The following NPFF variants were observed in gnomAD, a reference collection of about 807,000 sequenced individuals.
NPFF encodes the protein pro-FMRFamide-related neuropeptide FF.
In NPFF, 14 loss-of-function variants were observed where a neutral mutation model predicts 12.9. That is an observed-to-expected ratio of 1.09 (90% CI 0.72 to 1.70). The LOEUF (loss-of-function observed/expected upper bound fraction) is 1.70, where lower values mean the gene tolerates loss of function less well. Among genes scored for constraint, NPFF ranks in the 40% most tolerant of loss-of-function variants. The pLI is 0.00. For synonymous variants in NPFF, 56 were observed against 57.3 expected (o/e 0.98, Z 0.10); for missense variants, 140 against 135.7 (o/e 1.03, Z -0.16).
At position 53,506,734 on chromosome 12, in the gene NPFF, T is replaced by C. The variant is rs1263982216; in HGVS notation, c.*42A>G. The C allele has an allele frequency of 1.4e-6, 2 of 1,394,656 alleles. No homozygotes were observed. The highest frequency in any genetic ancestry group is 2.9e-5 in the African/African-American group (2 of 69,208). The allele number at this position is 1,394,656 out of a possible 1,614,324, so 86.4% of individuals were successfully genotyped here. On this transcript the variant is annotated 3_prime_UTR_variant, in exon 3 of 3. Transcript: ENST00000267017. ...TTTGGGGGGCAAACATTGACACTTT[T>C]GGGTGTGGACCTTGCATGCAGACAT...
Position 53,507,483 on chromosome 12 carries a change from C to T in NPFF, c.-9G>A, listed in dbSNP as rs1944039210. On this transcript the variant is annotated 5_prime_UTR_variant, in exon 1 of 3. Transcript: ENST00000267017. ...GCCTGCCTAGAATCCATGCTGCCAC[C>T]TACCCTCCTACAGCCACCCCAACCT... The T allele has an allele frequency of 1.2e-6, 2 of 1,611,374 alleles. No individual in the cohort carries two copies. Among genetic ancestry groups the T allele is most frequent in the East Asian group, 4.5e-5 (2 of 44,862 alleles).
At position 53,507,047 on chromosome 12, in the gene NPFF, G is replaced by A. The variant is rs752075212; in HGVS notation, c.198C>T (p.Ser66=). The A allele has an allele frequency of 1.9e-6, 3 of 1,613,948 alleles. No individual in the cohort carries two copies. In the South Asian group the frequency reaches 3.3e-5, roughly 18 times the overall value. The change falls in exon 2 of 3, where the codon AGC becomes AGT. Residue 66 remains serine, a synonymous_variant. Coordinates refer to ENST00000267017, the MANE Select transcript of NPFF (RefSeq NM_003717.4). ...LLQAMERPGR[S]QAFLFQPQRF... ...TCTGGGGCTGAAACAGGAAGGCTTG[G>A]CTCCGGCCAGGTCTCTCCATTGCCT...
In NPFF at chr12:53,506,835, C is replaced by T. The variant is rs1287417997; in HGVS notation, c.283G>A (p.Glu95Lys). ...CTCCAGAACTGGGAATTCAGCCCCTCTCCAGCCCGGGGACTCAGCCATTCA... is the reference window on the plus strand; with the variant it reads ...CTCCAGAACTGGGAATTCAGCCCCTTTCCAGCCCGGGGACTCAGCCATTCA... Reference protein sequence around the residue: ...RNEWLSPRAGEGLNSQFWSLA... With the variant: ...RNEWLSPRAGKGLNSQFWSLA... The change falls in exon 3 of 3, where the codon GAG becomes AAG. Residue 95 changes from glutamate (E) to lysine (K), a missense_variant. By Grantham distance (56) the Glu-to-Lys change is moderately conservative. Transcript: ENST00000267017. 1 of 1,603,268 alleles carries T rather than the reference C, an allele frequency of 6.2e-7. No homozygotes were observed.
chr12:53,507,149 C>A lies in NPFF; in HGVS notation c.103-7G>T. 1 of 1,613,254 alleles carries A rather than the reference C, an allele frequency of 6.2e-7. No individual in the cohort carries two copies. Among genetic ancestry groups the A allele is most frequent in the South Asian group, 1.1e-5 (1 of 91,004 alleles). Reference sequence around the variant, plus strand: ...GGGGTTCGCTGTCTTCCTCCTGTGCCAAGGGGGTATCAGGGAAGGAAGATG... The same window carrying A: ...GGGGTTCGCTGTCTTCCTCCTGTGCAAAGGGGGTATCAGGGAAGGAAGATG... On this transcript the variant is annotated splice_region_variant and splice_polypyrimidine_tract_variant and intron_variant, in intron 1 of 2. Transcript: ENST00000267017.
rs201195327 is a variant in NPFF at position 53,506,882 on chromosome 12, T to C, written c.236A>G (p.Asn79Ser). 438 of 1,594,620 alleles carry C rather than the reference T, an allele frequency of 2.7e-4. 1 individual carries two copies. The highest frequency in any genetic ancestry group is 4.2e-5 in the Non-Finnish European group (49 of 1,170,112). The change falls in exon 3 of 3, where the codon AAT becomes AGT. Residue 79 changes from asparagine to serine, a missense_variant. By Grantham distance (46) the Asn-to-Ser change is conservative (BLOSUM62 1). Coordinates refer to ENST00000267017, the MANE Select transcript of NPFF (RefSeq NM_003717.4). ...TTCATTCCTCCAGGATCCCTGGGTATTTCTGCCAAACCTTAGGAAAGATTT... is the reference window on the plus strand; with the variant it reads ...TTCATTCCTCCAGGATCCCTGGGTACTTCTGCCAAACCTTAGGAAAGATTT... ...FLFQPQRFGR[N>S]TQGSWRNEWL...
At position 53,507,426 on chromosome 12, in the gene NPFF, C is replaced by CTATT. The variant is rs756176519; in HGVS notation, c.45_48dup (p.Asp17AsnfsTer7). ...CCTGGCCCTTCAGCACAGCCCCCGTCTATTAACAGCAGCAGCACCAGCAGT... is the reference window on the plus strand; with the variant it reads ...CCTGGCCCTTCAGCACAGCCCCCGTCTATTTATTAACAGCAGCAGCACCAGCAGT... On this transcript the variant is annotated frameshift_variant, in exon 1 of 3. Coordinates refer to ENST00000267017, the MANE Select transcript of NPFF (RefSeq NM_003717.4). LOFTEE classifies it high-confidence loss of function. 1.2e-5 allele frequency: 19 copies of CTATT among 1,613,962 alleles called. No individual in the cohort carries two copies. In the African/African-American group the frequency reaches 2.5e-4, roughly 22 times the overall value.
chr12:53,506,702 A>AATT lies in NPFF; in HGVS notation c.*71_*73dup. The AATT allele has an allele frequency of 8.2e-7, 1 of 1,220,318 alleles. No homozygotes were observed. The highest frequency in any genetic ancestry group is 1.1e-6 in the Non-Finnish European group (1 of 869,700). 75.6% of individuals were successfully genotyped at this position (1,220,318 alleles called of 1,614,324 possible). A position where few individuals can be genotyped will look rare whatever the true frequency, so the allele number is the denominator to read the frequency against. On this transcript the variant is annotated 3_prime_UTR_variant, in exon 3 of 3. Coordinates refer to ENST00000267017, the MANE Select transcript of NPFF (RefSeq NM_003717.4). The stretch of plus-strand genomic sequence containing the variant: ...ACACACATGGATTCAGAAGCCAGAC[A>AATT]ATTTTATTTGGGGGGCAAACATTGA...
At position 53,507,104 on chromosome 12, in the gene NPFF, C is replaced by T; in HGVS notation, c.141G>A (p.Gln47=). ...GGTAGTGCAACAGTGACCCAGAGGT[C>T]TGGGCATCCTGTGGTGGGAGGGGTT... ...DSEPLPPQDA[Q]TSGSLLHYLL... The change falls in exon 2 of 3, where the codon CAG becomes CAA. Residue 47 remains glutamine, a synonymous_variant. Coordinates refer to ENST00000267017, the MANE Select transcript of NPFF (RefSeq NM_003717.4). The T allele has an allele frequency of 1.2e-6, 2 of 1,614,104 alleles. No homozygotes were observed.
rs1426523000 is a variant in NPFF, at chr12:53,506,830, C to T, written c.288G>A (p.Gly96=). The change falls in exon 3 of 3, where the codon GGG becomes GGA. Residue 96 remains glycine, a synonymous_variant. Transcript: ENST00000267017. The part of the protein sequence containing the change: ...NEWLSPRAGE[G]LNSQFWSLAA... The stretch of plus-strand genomic sequence containing the variant: ...CCAGGCTCCAGAACTGGGAATTCAG[C>T]CCCTCTCCAGCCCGGGGACTCAGCC... The T allele has an allele frequency of 3.7e-6, 6 of 1,601,584 alleles. No homozygotes were observed. Among genetic ancestry groups the T allele is most frequent in the Admixed American group, 1.7e-5 (1 of 58,014 alleles).
In NPFF at chr12:53,506,772, C is replaced by CATGTCATCCCTTGAT; in HGVS notation, c.*3_*4insATCAAGGGATGACAT. 6.5e-7 allele frequency: 1 copy of CATGTCATCCCTTGAT among 1,531,208 alleles called. No homozygotes were observed. Among genetic ancestry groups the CATGTCATCCCTTGAT allele is most frequent in the Non-Finnish European group, 8.8e-7 (1 of 1,136,418 alleles). 94.9% of individuals were successfully genotyped at this position (1,531,208 alleles called of 1,614,324 possible). ...TGCATGCAGACATATCAAGGGATGA[C>CATGTCATCCCTTGAT]ATGTCACTTCTTCCCAAAGCGTTGA... On this transcript the variant is annotated 3_prime_UTR_variant, in exon 3 of 3. Coordinates refer to ENST00000267017, the MANE Select transcript of NPFF (RefSeq NM_003717.4).
chr12:53,506,966 C>T (rs1592747710), intron 2 of NPFF, 55 bp downstream of exon 2: 9 of 1,597,054 alleles, frequency 5.6e-6, no homozygotes, highest in East Asian at 2.2e-5. Context: ...CTTCCTCTGC[C>T]TCCTGCCCTT....
In NPFF at chr12:53,506,859, C is replaced by G; in HGVS notation, c.259G>C (p.Glu87Gln). 6.2e-7 allele frequency: 1 copy of G among 1,603,694 alleles called. No homozygotes were observed. Among genetic ancestry groups the G allele is most frequent in the Non-Finnish European group, 8.5e-7 (1 of 1,174,730 alleles). ...GRNTQGSWRN[E>Q]WLSPRAGEGL... ...TCTCCAGCCCGGGGACTCAGCCATT[C>G]ATTCCTCCAGGATCCCTGGGTATTT... is the stretch of plus-strand genomic sequence containing the variant. Residue 87 changes from glutamate (E) to glutamine (Q), a missense_variant, in exon 3 of 3, where the codon GAA becomes CAA. Physicochemically the swap from Glu to Gln is conservative, Grantham distance 29. Coordinates refer to ENST00000267017, the MANE Select transcript of NPFF (RefSeq NM_003717.4).
rs748944132 is a variant in NPFF at position 53,507,455 on chromosome 12, G to A, written c.20C>T (p.Ala7Val). The change falls in exon 1 of 3, where the codon GCT becomes GTT. Residue 7 changes from alanine to valine, a missense_variant. Coordinates refer to ENST00000267017, the MANE Select transcript of NPFF (RefSeq NM_003717.4). ...TAACAGCAGCAGCACCAGCAGTGCA[G>A]CAGCCTGCCTAGAATCCATGCTGCC... MDSRQA[A>V]ALLVLLLLID... The A allele has an allele frequency of 6.2e-7, 1 of 1,613,412 alleles. No homozygotes were observed. The highest frequency in any genetic ancestry group is 2.2e-5 in the East Asian group (1 of 44,858).
chr12:53,506,893 C>A lies in NPFF; in HGVS notation c.225G>T (p.Arg75Ser). The A allele has an allele frequency of 1.3e-6, 2 of 1,588,264 alleles. No homozygotes were observed. Among genetic ancestry groups the A allele is most frequent in the African/African-American group, 2.7e-5 (2 of 74,290 alleles). ...RSQAFLFQPQ[R>S]FGRNTQGSWR... is the part of the protein sequence containing the mutation. Reference sequence around the variant, plus strand: ...AGGATCCCTGGGTATTTCTGCCAAACCTTAGGAAAGATTTGTCCTCAGGTC... The same window carrying A: ...AGGATCCCTGGGTATTTCTGCCAAAACTTAGGAAAGATTTGTCCTCAGGTC... Residue 75 changes from arginine (R) to serine (S), a missense_variant and splice_region_variant, in exon 3 of 3, where the codon AGG becomes AGT. Transcript: ENST00000267017.
chr12:53,507,072 T>C lies in NPFF; in HGVS notation c.173A>G (p.Gln58Arg). Residue 58 changes from glutamine to arginine, a missense_variant, in exon 2 of 3, where the codon CAG (glutamine) becomes CGG (arginine). By Grantham distance (43) the Gln-to-Arg change is conservative. Coordinates refer to ENST00000267017, the MANE Select transcript of NPFF (RefSeq NM_003717.4). The stretch of plus-strand genomic sequence containing the variant: ...GCTCCGGCCAGGTCTCTCCATTGCC[T>C]GGAGCAGGTAGTGCAACAGTGACCC... ...TSGSLLHYLL[Q>R]AMERPGRSQA... is the part of the protein sequence containing the mutation. 6.2e-7 allele frequency: 1 copy of C among 1,614,080 alleles called. No homozygotes were observed. Among genetic ancestry groups the C allele is most frequent in the South Asian group, 1.1e-5 (1 of 91,080 alleles).
chr12:53,507,349 T>TA (rs1296598126), intron 1 of NPFF, 24 bp downstream of exon 1: 2 of 1,613,672 alleles, frequency 1.2e-6, no homozygotes, highest in Non-Finnish European at 1.7e-6. Context: ...GCAATGGTGA[T>TA]ATGGGGATGG....
intron 1 of NPFF, 50 bp downstream of exon 1, chr12:53,507,323 C>T: frequency 1.2e-6 from 2 of 1,611,392 alleles, no homozygotes; most frequent in Non-Finnish European, 8.5e-7. Flanking sequence ...GAGCACAAGT[C>T]TCAACCGAAG....
chr12:53,507,006 C>A lies in NPFF; in HGVS notation c.224+15G>T. 1 of 1,611,490 alleles carries A rather than the reference C, an allele frequency of 6.2e-7. No individual in the cohort carries two copies. Among genetic ancestry groups the A allele is most frequent in the Non-Finnish European group, 8.5e-7 (1 of 1,178,508 alleles). On this transcript the variant is annotated intron_variant, in intron 2 of 2. Coordinates refer to ENST00000267017, the MANE Select transcript of NPFF (RefSeq NM_003717.4). ...CCCCCAGCCCCTGCCATGCTTGTGT[C>A]CCTTTCAGACTCACCTCTGGGGCTG...
chr12:53,507,374 G>T lies in NPFF; in HGVS notation c.101C>A (p.Ala34Glu). 6.2e-7 allele frequency: 1 copy of T among 1,613,998 alleles called. No individual in the cohort carries two copies. Among genetic ancestry groups the T allele is most frequent in the African/African-American group, 1.3e-5 (1 of 75,022 alleles). ...TATGGGGATGGGACACACACTCACC[G>T]CGGAGAGCTGGTCTTCCTGCTGGCC... ...PGGQQEDQLS[A>E]EEDSEPLPPQ... is the part of the protein sequence containing the mutation. The change falls in exon 1 of 3, where the codon GCG (alanine) becomes GAG (glutamate). Residue 34 changes from alanine (A) to glutamate (E), a missense_variant and splice_region_variant. By Grantham distance (107) the Ala-to-Glu change is moderately radical. Coordinates refer to ENST00000267017, the MANE Select transcript of NPFF (RefSeq NM_003717.4).
Sources: allele counts gnomAD v4.1 joint callset, GRCh38; gene constraint gnomAD v4.1.1; transcripts MANE v1.5; gene names NCBI Gene and HGNC (gene_info 2026-07-23, HGNC 2026-07-21).